LRRTM3: variants seen among roughly 807,000 people sequenced by gnomAD.
LRRTM3 encodes leucine-rich repeat transmembrane neuronal protein 3.
Under a neutral mutation model 44.7 loss-of-function variants are expected in LRRTM3, and 24 were observed. That is an observed-to-expected ratio of 0.54 (90% CI 0.39 to 0.76). The LOEUF is 0.76. Among genes scored for constraint, LRRTM3 ranks in the 30% least tolerant of loss-of-function variants. The pLI is 0.00. For synonymous variants in LRRTM3, 277 were observed against 278.7 expected (o/e 0.99, Z 0.06); for missense variants, 587 against 702.2 (o/e 0.84, Z 1.85).
In LRRTM3 at chr10:66,964,489, A is replaced by G. The variant is rs114406191; in HGVS notation, c.1536+36037A>G. 9.1e-3 allele frequency among the ~76,000 whole-genome samples: 1,385 copies of G among 152,330 alleles called. 24 individuals carry two copies. Among genetic ancestry groups the G allele is most frequent in the African/African-American group, 0.029 (1,187 of 41,574 alleles). ...CAGATGATAACAATTGTAAATATTC[A>G]TAAATCAGGGACCAGGATTCCTATT... On this transcript the variant is annotated intron_variant, in intron 2 of 2. Coordinates refer to ENST00000361320, the MANE Select transcript of LRRTM3 (RefSeq NM_178011.5).
chr10:66,926,856 T>G, intron 1 of LRRTM3, 65 bp from the exon 2 acceptor site: 1 of 1,395,968 alleles, frequency 7.2e-7, no homozygotes, highest in Non-Finnish European at 9.6e-7. Context: ...TATGCCTATT[T>G]TTGCTTGATT....
At chr10:67,041,609 T>C (rs1428056419) in intron 2 of LRRTM3, among the ~76,000 whole-genome samples, 2 of 152,142 alleles carry the variant, frequency 1.3e-5, no homozygotes, top group Non-Finnish European at 2.9e-5. Context: ...AGCTGTATTG[T>C]CATTTTCAAA....
At chr10:67,071,251 A>G (rs1856434195) in intron 2 of LRRTM3, among the ~76,000 whole-genome samples, 1 of 151,732 alleles carries the variant, frequency 6.6e-6, no homozygotes, top group South Asian at 2.1e-4. Context: ...TCTACTTACA[A>G]CAATTCCCTT....
At chr10:66,934,484 A>G (rs1341880881) in intron 2 of LRRTM3, among the ~76,000 whole-genome samples, 1 of 152,206 alleles carries the variant, frequency 6.6e-6, no homozygotes, top group Non-Finnish European at 1.5e-5. Flanking sequence ...ATATTAGGAC[A>G]TAAAACAAAT....
At chr10:67,055,606 C>G (rs1051474418) in intron 2 of LRRTM3, among the ~76,000 whole-genome samples, 3 of 152,100 alleles carry the variant, frequency 2.0e-5, no homozygotes, top group Non-Finnish European at 4.4e-5. Flanking sequence ...ATATAATCAA[C>G]ACAATATTTT....
intron 2 of LRRTM3, among the ~76,000 whole-genome samples, chr10:67,040,812 G>T (rs1854347004): frequency 6.6e-6 from 1 of 152,032 alleles, no homozygotes; most frequent in South Asian, 2.1e-4. Flanking sequence ...TATACCACAT[G>T]ATGTTAAATT....
At chr10:67,049,049 T>A (rs1854928819) in intron 2 of LRRTM3, among the ~76,000 whole-genome samples, 1 of 151,152 alleles carries the variant, frequency 6.6e-6, no homozygotes, top group Non-Finnish European at 1.5e-5. Flanking sequence ...TTTTTTGTAC[T>A]CTTCTTATCT....
chr10:67,050,552 C>T (rs1411155256), intron 2 of LRRTM3, among the ~76,000 whole-genome samples: 1 of 152,144 alleles, frequency 6.6e-6, no homozygotes, highest in African/African-American at 2.4e-5. Flanking sequence ...TGCAGCAAAA[C>T]CTAAGACCAC....
chr10:66,999,540 C>G (rs1851559398), intron 2 of LRRTM3, among the ~76,000 whole-genome samples: 1 of 152,046 alleles, frequency 6.6e-6, no homozygotes, highest in Admixed American at 6.6e-5. Context: ...TCTCTCTTTT[C>G]TAACTATAGA....
At chr10:67,026,987 G>A (rs1317436286) in intron 2 of LRRTM3, among the ~76,000 whole-genome samples, 2 of 152,162 alleles carry the variant, frequency 1.3e-5, no homozygotes, top group Non-Finnish European at 2.9e-5. Context: ...TGGGTTCTCA[G>A]AAAATAAATG....
Position 67,020,500 on chromosome 10 carries a change from C to T in LRRTM3, c.1537-77087C>T, listed in dbSNP as rs187062366. The stretch of plus-strand genomic sequence containing the variant: ...TCACTTACAGAGTCTAACAATTTAT[C>T]CCCTCTATAAGTTTCACAATAGTCT... On this transcript the variant is annotated intron_variant, in intron 2 of 2. Transcript: ENST00000361320. 3.3e-3 allele frequency among the ~76,000 whole-genome samples: 504 copies of T among 152,184 alleles called. 5 individuals carry two copies. The highest frequency in any genetic ancestry group is 0.011 in the African/African-American group (473 of 41,518).
intron 2 of LRRTM3, among the ~76,000 whole-genome samples, chr10:67,074,097 G>A (rs948200407): frequency 7.0e-6 from 1 of 143,328 alleles, no homozygotes; most frequent in Non-Finnish European, 1.5e-5. Flanking sequence ...GTGCAGTGGC[G>A]CCATCTTGGC....
At chr10:67,000,185 T>C (rs935947948) in intron 2 of LRRTM3, among the ~76,000 whole-genome samples, 2 of 152,208 alleles carry the variant, frequency 1.3e-5, no homozygotes, top group Non-Finnish European at 2.9e-5. Flanking sequence ...AAGATTGCTA[T>C]ATGAGCTCAA....
At position 67,099,012 on chromosome 10, in the gene LRRTM3, A is replaced by G. The variant is rs1858175834; in HGVS notation, c.*1216A>G. On this transcript the variant is annotated 3_prime_UTR_variant, in exon 3 of 3. Transcript: ENST00000361320. ...TTTAAACATGTACAGCTCATTCAATATAGATATGAGCCATGGTGGAGAACT... is the reference window on the plus strand; with the variant it reads ...TTTAAACATGTACAGCTCATTCAATGTAGATATGAGCCATGGTGGAGAACT... 6.6e-6 allele frequency: 1 copy of G among 151,886 alleles called. No individual in the cohort carries two copies. Among genetic ancestry groups the G allele is most frequent in the Non-Finnish European group, 1.5e-5 (1 of 67,884 alleles). The allele number at this position is 151,886 out of a possible 1,614,324, so 9.4% of individuals were successfully genotyped here. A position where few individuals can be genotyped will look rare whatever the true frequency, so the allele number is the denominator to read the frequency against.
intron 2 of LRRTM3, among the ~76,000 whole-genome samples, chr10:67,034,492 C>T (rs1853923016): frequency 6.6e-6 from 1 of 152,184 alleles, no homozygotes; most frequent in South Asian, 2.1e-4. Flanking sequence ...GTGTCTTAGG[C>T]TCTCCCTTTC....
rs561664151 is a variant in LRRTM3 at position 67,060,826 on chromosome 10, A to G, written c.1537-36761A>G. On this transcript the variant is annotated intron_variant, in intron 2 of 2. Coordinates refer to ENST00000361320, the MANE Select transcript of LRRTM3 (RefSeq NM_178011.5). ...TCTCCCAGTACAAATGGTTGTGTAC[A>G]TATATGACATGAAAAAGAAATACAT... 4.0e-5 allele frequency among the ~76,000 whole-genome samples: 6 copies of G among 150,932 alleles called. No homozygotes were observed. The East Asian group carries it at 1.2e-3, about 29-fold the overall frequency.
At chr10:66,939,835 C>G (rs1322605267) in intron 2 of LRRTM3, among the ~76,000 whole-genome samples, 1 of 152,060 alleles carries the variant, frequency 6.6e-6, no homozygotes, top group Non-Finnish European at 1.5e-5. Flanking sequence ...TTTTTACCTT[C>G]TATTTGAAAT....
chr10:67,054,711 T>C (rs1353475390), intron 2 of LRRTM3: 3 of 152,156 alleles, frequency 2.0e-5, no homozygotes, highest in Non-Finnish European at 4.4e-5. Flanking sequence ...CACTTACTCT[T>C]GTTTCTATAC....
chr10:66,964,634 G>A (rs541224243), intron 2 of LRRTM3, among the ~76,000 whole-genome samples: 4 of 152,200 alleles, frequency 2.6e-5, no homozygotes, highest in East Asian at 3.9e-4. Flanking sequence ...GATTCACTTC[G>A]GAGGAACTGA....
Sources: gnomAD v4.1 joint callset for allele counts (sites outside exome capture counted in the v4.1 genomes callset) on GRCh38, gnomAD v4.1.1 for gene constraint, MANE v1.5 for transcripts, NCBI Gene and HGNC (gene_info 2026-07-23, HGNC 2026-07-21) for gene names.